The following KCNG3 variants were observed in gnomAD, a reference collection of about 807,000 sequenced individuals.
The protein encoded by KCNG3 is voltage-gated potassium channel regulatory subunit KCNG3.
KCNG3 carries 15 observed loss-of-function variants against 29.0 expected under a neutral mutation model. That is an observed-to-expected ratio of 0.52 (90% confidence interval 0.35 to 0.80). The LOEUF (loss-of-function observed/expected upper bound fraction) is 0.80. KCNG3 is among the 30% of genes least tolerant of loss of function. KCNG3 has a pLI of 0.01. For missense variants in KCNG3, 512 were observed against 605.7 expected, an observed-to-expected ratio of 0.85 and a Z score of 1.62; for synonymous variants, 322 against 248.9, an observed-to-expected ratio of 1.29 and a Z score of -2.76.
intron 1 of KCNG3, among the ~76,000 whole-genome samples, chr2:42,491,350 T>C (rs560749422): frequency 2.6e-4 from 40 of 152,326 alleles, no homozygotes; most frequent in Middle Eastern, 3.4e-3. Context: ...TTTGCTCATA[T>C]ACTGGTTCAG....
intron 1 of KCNG3, among the ~76,000 whole-genome samples, chr2:42,447,865 G>A (rs1339040497): frequency 1.3e-5 from 2 of 152,074 alleles, no homozygotes; most frequent in Admixed American, 6.5e-5. Context: ...TTTCCCACAT[G>A]AGCAGATATA....
chr2:42,451,541 A>T (rs558840818), intron 1 of KCNG3, among the ~76,000 whole-genome samples: 1 of 152,154 alleles, frequency 6.6e-6, no homozygotes, highest in Admixed American at 6.5e-5. Flanking sequence ...CCTGGCCAAC[A>T]TGGTGAAACC....
chr2:42,485,814 T>C (rs1296766623), intron 1 of KCNG3, among the ~76,000 whole-genome samples: 2 of 152,156 alleles, frequency 1.3e-5, no homozygotes, highest in Admixed American at 6.5e-5. Flanking sequence ...ATTAATCTCC[T>C]TGGAAGTGTC....
the KCNG3 span, among the ~76,000 whole-genome samples, chr2:42,413,229 T>C: frequency 6.6e-6 from 1 of 152,188 alleles, no homozygotes; most frequent in Non-Finnish European, 1.5e-5. Context: ...GGTCTCAAAC[T>C]CCTGGGCTCA....
chr2:42,435,970 A>G, the KCNG3 span, among the ~76,000 whole-genome samples: 1 of 152,262 alleles, frequency 6.6e-6, no homozygotes, highest in Non-Finnish European at 1.5e-5. Context: ...ATAACAGTCA[A>G]AAAGTAGAAA....
chr2:42,472,950 G>A (rs1275994405), intron 1 of KCNG3, among the ~76,000 whole-genome samples: 1 of 141,014 alleles, frequency 7.1e-6, no homozygotes, highest in East Asian at 2.1e-4. Flanking sequence ...TGCCCAGGCT[G>A]GAGTGCAGTG....
the KCNG3 span, among the ~76,000 whole-genome samples, chr2:42,433,054 A>T: frequency 2.0e-3 from 298 of 152,284 alleles, 2 homozygotes; most frequent in African/African-American, 6.7e-3. Context: ...CATACTTAGC[A>T]ATGAAGGACT....
chr2:42,451,337 G>C (rs1258421368), intron 1 of KCNG3, among the ~76,000 whole-genome samples: 1 of 152,064 alleles, frequency 6.6e-6, no homozygotes. Context: ...CAGCACTTTG[G>C]GAGGCTGAAG....
chr2:42,439,464 T>C (rs1381018156), downstream of KCNG3, among the ~76,000 whole-genome samples: 1 of 151,786 alleles, frequency 6.6e-6, no homozygotes, highest in Non-Finnish European at 1.5e-5. Flanking sequence ...GGTTTCGCTA[T>C]GTTGGCCAGG....
chr2:42,396,371 C>T, the KCNG3 span, among the ~76,000 whole-genome samples: 94,183 of 152,106 alleles, frequency 0.62, 29,881 homozygotes, highest in East Asian at 0.77. Flanking sequence ...TTAAGAATTT[C>T]TTAATCTAGG....
In KCNG3 at chr2:42,467,140, C is replaced by G. The variant is rs572406665; in HGVS notation, c.666-22561G>C. On this transcript the variant is annotated intron_variant, in intron 1 of 1. Transcript: ENST00000306078. ...AAATTTAGGTGAAATGGACAATTTC[C>G]CAGAAAAATGAATCAGACCAAAATT... is the stretch of plus-strand genomic sequence containing the variant. Among the ~76,000 whole-genome samples, 20 of 152,054 alleles carry G rather than the reference C, an allele frequency of 1.3e-4. No individual in the cohort carries two copies. The South Asian group carries it at 4.2e-3, about 32-fold the overall frequency.
At chr2:42,463,930 C>A in intron 1 of KCNG3, 1 of 344,666 alleles carries the variant, frequency 2.9e-6, no homozygotes, top group Non-Finnish European at 5.8e-6. Context: ...TAAGCCTAAT[C>A]CACAGCCCTT....
chr2:42,400,738 G>T, the KCNG3 span, among the ~76,000 whole-genome samples: 1 of 151,730 alleles, frequency 6.6e-6, no homozygotes, highest in African/African-American at 2.4e-5. Flanking sequence ...ACCTGCCGGA[G>T]TTTTTATCCA....
chr2:42,483,965 T>C (rs758028433), intron 1 of KCNG3, among the ~76,000 whole-genome samples: 17 of 152,236 alleles, frequency 1.1e-4, no homozygotes, highest in Admixed American at 3.3e-4. Flanking sequence ...CTAAATTTTG[T>C]AGAGACGGGA....
downstream of KCNG3, among the ~76,000 whole-genome samples, chr2:42,438,457 C>A (rs1672413721): frequency 6.6e-6 from 1 of 152,188 alleles, no homozygotes; most frequent in Admixed American, 6.5e-5. Flanking sequence ...ATCACTTACT[C>A]CTGGTAGGTG....
chr2:42,472,542 C>G (rs1219651548), intron 1 of KCNG3, among the ~76,000 whole-genome samples: 8 of 152,024 alleles, frequency 5.3e-5, no homozygotes, highest in Admixed American at 5.2e-4. Context: ...CGCTGTTACC[C>G]AGGCTGGAGT....
chr2:42,405,031 CA>C, the KCNG3 span, among the ~76,000 whole-genome samples: 2 of 152,208 alleles, frequency 1.3e-5, no homozygotes, highest in African/African-American at 4.8e-5. Context: ...TTCTTCCAAC[CA>C]AATCTCACAC....
chr2:42,435,749 G>A, the KCNG3 span, among the ~76,000 whole-genome samples: 1 of 152,208 alleles, frequency 6.6e-6, no homozygotes, highest in African/African-American at 2.4e-5. Flanking sequence ...AATGACAAGA[G>A]TTGGGGAGGA....
chr2:42,466,845 C>T (rs933978271), intron 1 of KCNG3, among the ~76,000 whole-genome samples: 3 of 151,262 alleles, frequency 2.0e-5, no homozygotes, highest in African/African-American at 2.4e-5. Context: ...CTCTGCCACC[C>T]GGGTTCAAGC....
Sources: allele counts gnomAD v4.1 joint callset (sites outside exome capture counted in the v4.1 genomes callset), GRCh38; gene constraint gnomAD v4.1.1; transcripts MANE v1.5; gene names NCBI Gene and HGNC (gene_info 2026-07-23, HGNC 2026-07-21).